Variants in MUC7 observed in about 807,000 individuals in gnomAD.
MUC7 encodes mucin 7, secreted.
MUC7 carries 2 observed loss-of-function variants against 2.5 expected under a neutral mutation model. The observed-to-expected ratio is 0.81, with a 90% CI of 0.33 to 2.55. MUC7 has a LOEUF of 2.55. Among genes scored for constraint, MUC7 ranks in the 30% most tolerant of loss-of-function variants. MUC7 has a pLI of 0.11. For missense variants in MUC7, 408 were observed against 455.6 expected, an observed-to-expected ratio of 0.90 and a Z score of 0.95; for synonymous variants, 133 against 173.4, an observed-to-expected ratio of 0.77 and a Z score of 1.83.
chr4:70,442,742 C>A (rs906129400), intron 1 of MUC7, among the ~76,000 whole-genome samples: 1 of 152,202 alleles, frequency 6.6e-6, no homozygotes, highest in African/African-American at 2.4e-5. Context: ...GAAGGCAGTT[C>A]TTGCCATCTT....
chr4:70,467,590 C>T (rs1025041468), upstream of MUC7, among the ~76,000 whole-genome samples: 2 of 152,250 alleles, frequency 1.3e-5, no homozygotes, highest in South Asian at 4.2e-4. Flanking sequence ...CACCACTGAT[C>T]CCATAGAAAT....
At chr4:70,458,565 G>A (rs984274306) in intron 1 of MUC7, among the ~76,000 whole-genome samples, 1 of 151,688 alleles carries the variant, frequency 6.6e-6, no homozygotes, top group African/African-American at 2.4e-5. Flanking sequence ...ATACCAATAA[G>A]TTATAAAATT....
In MUC7 at chr4:70,482,542, G is replaced by A. The variant is rs922519617; in HGVS notation, c.*664G>A. On this transcript the variant is annotated 3_prime_UTR_variant, in exon 3 of 3. Transcript: ENST00000304887. ...ACCAAGACTGGCACTATTTTTCTTA[G>A]TGTATATAATTGTTTAAACTGCAAG... 2.0e-5 allele frequency: 3 copies of A among 152,334 alleles called. No homozygotes were observed. Among genetic ancestry groups the A allele is most frequent in the Admixed American group, 6.5e-5 (1 of 15,286 alleles). 9.4% of individuals were successfully genotyped at this position (152,334 alleles called of 1,614,324 possible).
At chr4:70,478,738 T>A (rs573903566) in intron 2 of MUC7, among the ~76,000 whole-genome samples, 2 of 152,338 alleles carry the variant, frequency 1.3e-5, no homozygotes, top group East Asian at 3.9e-4. Context: ...CTTAATTATG[T>A]GGATTGCATA....
chr4:70,436,717 CT>C (rs1408111705), intron 1 of MUC7, among the ~76,000 whole-genome samples: 1 of 152,190 alleles, frequency 6.6e-6, no homozygotes, highest in Non-Finnish European at 1.5e-5. Context: ...CAAACTCATT[CT>C]TTGTCCAGCT....
chr4:70,458,590 GA>G (rs1257863734), intron 1 of MUC7, among the ~76,000 whole-genome samples: 1 of 150,736 alleles, frequency 6.6e-6, no homozygotes, highest in South Asian at 2.1e-4. Flanking sequence ...AGCCCACAAG[GA>G]AAAAAAGTAA....
intron 1 of MUC7, among the ~76,000 whole-genome samples, chr4:70,451,960 A>G (rs1461318861): frequency 2.6e-5 from 4 of 152,184 alleles, no homozygotes; most frequent in Admixed American, 6.5e-5. Context: ...GGGTACATGT[A>G]TATTTACAAT....
At chr4:70,436,154 C>T (rs1053981141) in intron 1 of MUC7, among the ~76,000 whole-genome samples, 10 of 152,076 alleles carry the variant, frequency 6.6e-5, no homozygotes, top group African/African-American at 2.4e-4. Context: ...TCATTTCAAC[C>T]TTGGTGAATC....
intron 1 of MUC7, among the ~76,000 whole-genome samples, chr4:70,450,589 C>T (rs1734255797): frequency 6.6e-6 from 1 of 152,162 alleles, no homozygotes; most frequent in Non-Finnish European, 1.5e-5. Context: ...AGAGGCTCAC[C>T]CAAGGTACTC....
intron 1 of MUC7, among the ~76,000 whole-genome samples, chr4:70,442,263 T>C (rs1020545132): frequency 2.0e-5 from 3 of 152,176 alleles, no homozygotes; most frequent in Middle Eastern, 3.2e-3. Flanking sequence ...AATGATAAAG[T>C]AATACAAGTG....
chr4:70,448,853 A>G (rs2109713059), intron 1 of MUC7, among the ~76,000 whole-genome samples: 1 of 152,276 alleles, frequency 6.6e-6, no homozygotes, highest in East Asian at 1.9e-4. Flanking sequence ...TGCCCACTCC[A>G]GTGTCCTGGA....
intron 2 of MUC7, among the ~76,000 whole-genome samples, chr4:70,479,471 A>G (rs900301226): frequency 2.6e-5 from 4 of 152,214 alleles, no homozygotes; most frequent in Non-Finnish European, 4.4e-5. Context: ...TTGCGACTGG[A>G]ATGATTTACC....
At chr4:70,454,598 T>C (rs932806268) in intron 1 of MUC7, among the ~76,000 whole-genome samples, 41 of 152,240 alleles carry the variant, frequency 2.7e-4, no homozygotes, top group Admixed American at 9.2e-4. Context: ...CTTTCAGTGA[T>C]ATGAAGTTAA....
chr4:70,446,923 T>C (rs1202583476), intron 1 of MUC7, among the ~76,000 whole-genome samples: 1 of 152,156 alleles, frequency 6.6e-6, no homozygotes, highest in African/African-American at 2.4e-5. Context: ...GATTATCTCT[T>C]ATATTAATAT....
intron 1 of MUC7, among the ~76,000 whole-genome samples, chr4:70,461,363 T>C (rs1408484557): frequency 1.3e-5 from 2 of 152,336 alleles, no homozygotes; most frequent in Non-Finnish European, 2.9e-5. Flanking sequence ...ACTGAGCTCT[T>C]TGATGACAAA....
At chr4:70,440,899 A>G (rs1014587177) in intron 1 of MUC7, among the ~76,000 whole-genome samples, 7 of 152,176 alleles carry the variant, frequency 4.6e-5, no homozygotes, top group African/African-American at 7.2e-5. Flanking sequence ...TGAGAAACAT[A>G]AGGCATGCTA....
chr4:70,477,178 G>A (rs911873957), intron 2 of MUC7, among the ~76,000 whole-genome samples: 3 of 152,198 alleles, frequency 2.0e-5, no homozygotes, highest in Middle Eastern at 3.4e-3. Flanking sequence ...CAGAGGCCGC[G>A]GCGGGAAGAT....
intron 2 of MUC7, among the ~76,000 whole-genome samples, chr4:70,477,202 G>A (rs531385746): frequency 6.6e-6 from 1 of 152,228 alleles, no homozygotes; most frequent in South Asian, 2.1e-4. Context: ...CTGAGGTCAG[G>A]AGTTCAAGAC....
At chr4:70,466,575 C>A (rs887199323) in intron 1 of MUC7, among the ~76,000 whole-genome samples, 5 of 149,968 alleles carry the variant, frequency 3.3e-5, no homozygotes, top group Admixed American at 6.6e-5. Context: ...GTTTACCAAG[C>A]GAATGGAAAG....
Sources: gnomAD v4.1 joint callset for allele counts (sites outside exome capture counted in the v4.1 genomes callset) on GRCh38, gnomAD v4.1.1 for gene constraint, MANE v1.5 for transcripts, NCBI Gene and HGNC (gene_info 2026-07-23, HGNC 2026-07-21) for gene names.